Variants in GON4L observed in about 807,000 individuals in gnomAD.
GON4L encodes the protein gon-4 like, also known as GON-4-like protein.
In GON4L, 87 loss-of-function variants were observed where a neutral mutation model predicts 211.8. The observed-to-expected ratio is 0.41, with a 90% CI of 0.35 to 0.49. The LOEUF is 0.49. Ranked by LOEUF, GON4L falls within the 20% of genes least tolerant of loss-of-function variation. GON4L has a pLI of 0.15. For synonymous variants in GON4L, 875 were observed against 962.6 expected (o/e 0.91, Z 1.68); for missense variants, 2,155 against 2,659.5 (o/e 0.81, Z 4.17).
At position 155,794,831 on chromosome 1, in the gene GON4L, G is replaced by GT. The variant is rs573095145; in HGVS notation, c.1747+218dup. On this transcript the variant is annotated intron_variant, in intron 12 of 31. Transcript: ENST00000368331. ...CATCTTGCACAATCCCTGCCAAACA[G>GT]TAAGGACTGAATACACGACTGTGGG... 7.2e-4 allele frequency among the ~76,000 whole-genome samples: 109 copies of GT among 152,270 alleles called. 3 individuals carry two copies. The South Asian group carries it at 0.022, about 30-fold the overall frequency.
rs545693549 is a variant in GON4L at position 155,767,117 on chromosome 1, G to T, written c.2763+308C>A. ...TTCTAGGTTTTAGAGACCTTAGACA[G>T]TCTCAAGGCATCTTTCCAAGAAGGG... On this transcript the variant is annotated intron_variant, in intron 20 of 31. Coordinates refer to ENST00000368331, the MANE Select transcript of GON4L (RefSeq NM_001282860.2). 38 of 653,718 alleles carry T rather than the reference G, an allele frequency of 5.8e-5. No homozygotes were observed. In the East Asian group the frequency reaches 1.0e-3, roughly 18 times the overall value. 40.5% of individuals were successfully genotyped at this position (653,718 alleles called of 1,614,324 possible). A position where few individuals can be genotyped will look rare whatever the true frequency, so the allele number is the denominator to read the frequency against.
intron 10 of GON4L, among the ~76,000 whole-genome samples, chr1:155,809,534 A>C (rs139107691): frequency 2.4e-4 from 35 of 144,072 alleles, no homozygotes; most frequent in African/African-American, 4.8e-4. Flanking sequence ...CTTATATATA[A>C]TTATAAATTA....
chr1:155,802,319 G>GGC (rs1370435056), intron 11 of GON4L, among the ~76,000 whole-genome samples: 5 of 144,788 alleles, frequency 3.5e-5, no homozygotes, highest in African/African-American at 1.2e-4. Flanking sequence ...CCTTGGGGGG[G>GGC]GGGAAGGCTT....
Position 155,750,388 on chromosome 1 carries a change from A to C in GON4L, c.*196T>G. The C allele has an allele frequency of 1.6e-6, 1 of 629,736 alleles. No homozygotes were observed. Among genetic ancestry groups the C allele is most frequent in the Non-Finnish European group, 2.8e-6 (1 of 351,108 alleles). 39.0% of individuals were successfully genotyped at this position (629,736 alleles called of 1,614,324 possible). ...AGAGGACATCTGTAAAGTCTTCATA[A>C]AAGACCTTGAATGATGCCTAGGATG... On this transcript the variant is annotated 3_prime_UTR_variant, in exon 32 of 32. Coordinates refer to ENST00000368331, the MANE Select transcript of GON4L (RefSeq NM_001282860.2).
At chr1:155,773,339 A>G in intron 17 of GON4L, 129 bp from the exon 18 acceptor site, 3 of 998,108 alleles carry the variant, frequency 3.0e-6, no homozygotes, top group Non-Finnish European at 3.0e-6. Flanking sequence ...CCATCTGCCC[A>G]CCATCCCCCC....
chr1:155,795,505 ATATAAT>A (rs758825166), intron 11 of GON4L, among the ~76,000 whole-genome samples: 2 of 152,238 alleles, frequency 1.3e-5, no homozygotes, highest in Admixed American at 6.5e-5. Context: ...GAGAATGACT[ATATAAT>A]TATAATTTCT....
In GON4L at chr1:155,799,091, C is replaced by T. The variant is rs1482212583; in HGVS notation, c.1646-3940G>A. Among the ~76,000 whole-genome samples the T allele has an allele frequency of 2.6e-5, 4 of 152,192 alleles. No individual in the cohort carries two copies. In the East Asian group the frequency reaches 7.7e-4, roughly 29 times the overall value. On this transcript the variant is annotated intron_variant, in intron 11 of 31. Coordinates refer to ENST00000368331, the MANE Select transcript of GON4L (RefSeq NM_001282860.2). ...ATCTGGAGGCCACACCCATCCTAAT[C>T]ATTGGCTTTGTGTGCTCTTTTAAAA...
intron 1 of GON4L, among the ~76,000 whole-genome samples, chr1:155,855,897 G>A (rs1168366733): frequency 2.7e-5 from 4 of 146,404 alleles, no homozygotes; most frequent in Non-Finnish European, 5.9e-5. Context: ...CAGGAGAATC[G>A]CTTGAACCCG....
At chr1:155,847,743 G>A (rs1343165158) in intron 2 of GON4L, among the ~76,000 whole-genome samples, 1 of 151,950 alleles carries the variant, frequency 6.6e-6, no homozygotes, top group East Asian at 1.9e-4. Context: ...GTGTGGTGGT[G>A]CATGCCTGTA....
In GON4L at chr1:155,814,249, G is replaced by A; in HGVS notation, c.1281+81C>T. On this transcript the variant is annotated intron_variant, in intron 9 of 31. Transcript: ENST00000368331. Reference sequence around the variant, plus strand: ...AAGGGTGACAGCCCAGAATCACCATGGATAAATAATCTACTTATACAGTTA... The same window carrying A: ...AAGGGTGACAGCCCAGAATCACCATAGATAAATAATCTACTTATACAGTTA... The A allele has an allele frequency of 3.8e-6, 5 of 1,309,128 alleles. No homozygotes were observed. In the South Asian group the frequency reaches 5.9e-5, roughly 15 times the overall value. The allele number at this position is 1,309,128 out of a possible 1,614,324, so 81.1% of individuals were successfully genotyped here.
downstream of GON4L, chr1:155,746,253 A>C (rs1190884058): frequency 1.4e-5 from 17 of 1,192,708 alleles, no homozygotes; most frequent in East Asian, 7.3e-5. Context: ...AGGACCGGAG[A>C]TGAGGAGCTG....
intron 12 of GON4L, among the ~76,000 whole-genome samples, chr1:155,793,029 C>G (rs1028057508): frequency 2.0e-5 from 3 of 152,170 alleles, no homozygotes; most frequent in Non-Finnish European, 4.4e-5. Flanking sequence ...GCCTCAGCCT[C>G]CCAAGTGCCG....
At chr1:155,792,623 C>T (rs1015818389) in intron 12 of GON4L, among the ~76,000 whole-genome samples, 1 of 152,152 alleles carries the variant, frequency 6.6e-6, no homozygotes, top group East Asian at 1.9e-4. Context: ...AGAAATTATA[C>T]GTAAACTGAA....
chr1:155,806,492 A>G (rs1485916104), intron 10 of GON4L, among the ~76,000 whole-genome samples: 2 of 151,888 alleles, frequency 1.3e-5, no homozygotes, highest in Admixed American at 1.3e-4. Flanking sequence ...GGGACTCCCT[A>G]TGTTGCCCAG....
chr1:155,798,329 T>C (rs1666280194), intron 11 of GON4L, among the ~76,000 whole-genome samples: 1 of 150,648 alleles, frequency 6.6e-6, no homozygotes, highest in South Asian at 2.1e-4. Flanking sequence ...AGATTCTTTA[T>C]TTCTTTAGGA....
At chr1:155,780,535 G>C (rs2948072) in intron 14 of GON4L, among the ~76,000 whole-genome samples, 12 of 151,858 alleles carry the variant, frequency 7.9e-5, no homozygotes, top group South Asian at 2.1e-4. Flanking sequence ...AGAGGTTGCA[G>C]TGAGCCGAGA....
rs758226329 is a variant in GON4L at position 155,765,193 on chromosome 1, G to A, written c.4280C>T (p.Pro1427Leu). The A allele has an allele frequency of 1.9e-6, 3 of 1,614,132 alleles. No individual in the cohort carries two copies. Among genetic ancestry groups the A allele is most frequent in the African/African-American group, 1.3e-5 (1 of 75,028 alleles). ...GGATGAATCTTCTGGCTTCCCTGGGGGGCTACTAAGCCTCACTTCAGGATC... is the reference window on the plus strand; with the variant it reads ...GGATGAATCTTCTGGCTTCCCTGGGAGGCTACTAAGCCTCACTTCAGGATC... ...SMDPEVRLSS[P>L]PGKPEDSSSV... The change falls in exon 21 of 32, where the codon CCC becomes CTC. Residue 1427 changes from proline to leucine, a missense_variant. This residue lies in a region of GON4L where 615 missense variants were observed against 625.7 expected (regional missense o/e 0.98). Transcript: ENST00000368331.
intron 20 of GON4L, chr1:155,767,008 A>G: frequency 1.8e-6 from 1 of 548,112 alleles, no homozygotes; most frequent in African/African-American, 1.9e-5. Flanking sequence ...ATCGCACCTT[A>G]GCCTGGGTGG....
At chr1:155,813,453 A>C (rs370785091) in intron 10 of GON4L, among the ~76,000 whole-genome samples, 181 bp downstream of exon 10, 134 of 152,098 alleles carry the variant, frequency 8.8e-4, no homozygotes, top group African/African-American at 2.9e-3. Flanking sequence ...AACAAACAAA[A>C]AAAACCCCAA....
Sources: allele counts gnomAD v4.1 joint callset (sites outside exome capture counted in the v4.1 genomes callset), GRCh38; gene constraint gnomAD v4.1.1; regional missense constraint gnomAD v4.1.1; transcripts MANE v1.5; gene names NCBI Gene and HGNC (gene_info 2026-07-23, HGNC 2026-07-21).